Variants in EPC2 observed in about 807,000 individuals in gnomAD.
EPC2 encodes the protein enhancer of polycomb homolog 2.
In EPC2, 14 loss-of-function variants were observed where a neutral mutation model predicts 92.1. The observed-to-expected ratio is 0.15, with a 90% CI of 0.10 to 0.24. The LOEUF (loss-of-function observed/expected upper bound fraction) is 0.24. EPC2 is among the 10% of genes least tolerant of loss of function. The pLI is 1.00. For synonymous variants in EPC2, 340 were observed against 334.7 expected, an observed-to-expected ratio of 1.02 and a Z score of -0.17; for missense variants, 755 against 971.5, an observed-to-expected ratio of 0.78 and a Z score of 2.96.
intron 2 of EPC2, among the ~76,000 whole-genome samples, chr2:148,732,373 ATT>A (rs1397819706): frequency 7.6e-6 from 1 of 132,218 alleles, no homozygotes; most frequent in Non-Finnish European, 1.6e-5. Context: ...CCATTCTGTT[ATT>A]TTTGTCTTTT....
chr2:148,667,338 C>G (rs1014637039), intron 1 of EPC2, among the ~76,000 whole-genome samples: 3 of 152,224 alleles, frequency 2.0e-5, no homozygotes, highest in African/African-American at 7.2e-5. Context: ...AACTAGCACA[C>G]TGTTATGTTT....
intron 2 of EPC2, among the ~76,000 whole-genome samples, chr2:148,710,643 T>C (rs1682118612): frequency 6.6e-6 from 1 of 152,120 alleles, no homozygotes; most frequent in Non-Finnish European, 1.5e-5. Flanking sequence ...GTGGCACATA[T>C]ACACCATGGA....
At chr2:148,750,478 G>T (rs1683064896) in intron 3 of EPC2, among the ~76,000 whole-genome samples, 1 of 151,978 alleles carries the variant, frequency 6.6e-6, no homozygotes, top group Non-Finnish European at 1.5e-5. Flanking sequence ...GTTGTAGTCT[G>T]AAGACTTCTT....
chr2:148,666,716 T>C (rs1051534169), intron 1 of EPC2, among the ~76,000 whole-genome samples: 2 of 152,112 alleles, frequency 1.3e-5, no homozygotes, highest in Admixed American at 1.3e-4. Context: ...TCATCAAACA[T>C]CACCTGGGAA....
intron 1 of EPC2, among the ~76,000 whole-genome samples, chr2:148,648,493 T>C (rs1176686221): frequency 1.3e-5 from 2 of 152,338 alleles, no homozygotes; most frequent in African/African-American, 4.8e-5. Flanking sequence ...TTTTATAAGA[T>C]TTTTTTCTTT....
In EPC2 at chr2:148,644,975, C is replaced by CCCG. The variant is rs746344517; in HGVS notation, c.-31_-29dup. 222 of 1,533,194 alleles carry CCCG rather than the reference C, an allele frequency of 1.4e-4. No individual in the cohort carries two copies. The highest frequency in any genetic ancestry group is 3.5e-4 in the African/African-American group (25 of 71,986). The allele number at this position is 1,533,194 out of a possible 1,614,324, so 95.0% of individuals were successfully genotyped here. A position where few individuals can be genotyped will look rare whatever the true frequency, so the allele number is the denominator to read the frequency against. On this transcript the variant is annotated 5_prime_UTR_variant, in exon 1 of 14. Coordinates refer to ENST00000258484, the MANE Select transcript of EPC2 (RefSeq NM_015630.4). Reference sequence around the variant, plus strand: ...GAGTCCTCCCCCCCTCCCCGCCCGCCCCGCCGCCGCCGCCCGGGCTGTTCC... The same window carrying CCCG: ...GAGTCCTCCCCCCCTCCCCGCCCGCCCCGCCGCCGCCGCCGCCCGGGCTGTTCC...
chr2:148,645,089 C>T lies in EPC2; in HGVS notation c.72C>T (p.Asp24=), dbSNP rs574391627. The change falls in exon 1 of 14, where the codon GAC becomes GAT. Residue 24 remains aspartate, a synonymous_variant. Transcript: ENST00000258484. ...CGCTGCCTATCTACCGCGGCAAGGA[C>T]ATGCCTGATCTCAACGACTGCGTCT... is the stretch of plus-strand genomic sequence containing the variant. The part of the protein sequence containing the change: ...AKPLPIYRGK[D]MPDLNDCVSI... 3.8e-6 allele frequency: 6 copies of T among 1,596,488 alleles called. No individual in the cohort carries two copies. In the South Asian group the frequency reaches 4.5e-5, roughly 12 times the overall value.
intron 2 of EPC2, among the ~76,000 whole-genome samples, chr2:148,741,907 A>G (rs1262431877): frequency 6.6e-6 from 1 of 152,208 alleles, no homozygotes; most frequent in Non-Finnish European, 1.5e-5. Flanking sequence ...TTCTTTCAAA[A>G]ATATCCTGTG....
chr2:148,736,789 A>C (rs1682765949), intron 2 of EPC2, among the ~76,000 whole-genome samples: 1 of 152,074 alleles, frequency 6.6e-6, no homozygotes, highest in Non-Finnish European at 1.5e-5. Flanking sequence ...TCTTTCACCA[A>C]CAATATAATT....
intron 2 of EPC2, among the ~76,000 whole-genome samples, chr2:148,722,496 A>G (rs1558820489): frequency 6.6e-6 from 1 of 152,238 alleles, no homozygotes; most frequent in East Asian, 1.9e-4. Flanking sequence ...AGCAGTCAGA[A>G]AAGCTGTTAT....
rs181463325 is a variant in EPC2, at chr2:148,659,575, T to G, written c.153+14405T>G. On this transcript the variant is annotated intron_variant, in intron 1 of 13. Coordinates refer to ENST00000258484, the MANE Select transcript of EPC2 (RefSeq NM_015630.4). ...TTGAATATAAATAATATTATTACAT[T>G]TAAGCACTAAAGTAAATCTAGATAT... Among the ~76,000 whole-genome samples the G allele has an allele frequency of 8.5e-5, 13 of 152,204 alleles. No individual in the cohort carries two copies. In the East Asian group the frequency reaches 2.5e-3, roughly 29 times the overall value.
At chr2:148,701,194 G>A (rs1218143701) in intron 2 of EPC2, among the ~76,000 whole-genome samples, 1 of 152,264 alleles carries the variant, frequency 6.6e-6, no homozygotes, top group Non-Finnish European at 1.5e-5. Flanking sequence ...TACATAGACA[G>A]TCTTGTCATC....
rs41269815 is a variant in EPC2 at position 148,781,756 on chromosome 2, G to A, written c.1833G>A (p.Ser611=). The change falls in exon 11 of 14, where the codon TCG becomes TCA. Residue 611 remains serine (S), a synonymous_variant. Coordinates refer to ENST00000258484, the MANE Select transcript of EPC2 (RefSeq NM_015630.4). ...LQQKQQSQHS[S]QQTHPKAQGS... is the part of the protein sequence containing the mutation. ...AGAAACAGCAATCTCAGCATTCCTC[G>A]CAACAGACACATCCAAAAGCACAGG... 683 of 1,613,890 alleles carry A rather than the reference G, an allele frequency of 4.2e-4. 2 individuals are homozygous for A. The African/African-American group carries it at 8.2e-3, about 19-fold the overall frequency.
chr2:148,645,891 G>T (rs560857391), intron 1 of EPC2, among the ~76,000 whole-genome samples: 1 of 152,370 alleles, frequency 6.6e-6, no homozygotes, highest in East Asian at 1.9e-4. Flanking sequence ...CCGGAAGCGA[G>T]CCGCCGGCGT....
At chr2:148,689,081 A>G (rs1177652017) in intron 1 of EPC2, among the ~76,000 whole-genome samples, 2 of 152,230 alleles carry the variant, frequency 1.3e-5, no homozygotes, top group African/African-American at 4.8e-5. Context: ...TTGGATATAT[A>G]GAAACAGCAA....
chr2:148,723,500 G>T (rs1279050030), intron 2 of EPC2, among the ~76,000 whole-genome samples: 1 of 152,148 alleles, frequency 6.6e-6, no homozygotes, highest in African/African-American at 2.4e-5. Flanking sequence ...GTGGGTTTCT[G>T]TTCCCGTAAG....
intron 1 of EPC2, among the ~76,000 whole-genome samples, chr2:148,668,195 T>G (rs1253147005): frequency 6.6e-6 from 1 of 152,088 alleles, no homozygotes; most frequent in Non-Finnish European, 1.5e-5. Flanking sequence ...CCACTCCTGG[T>G]CTCAGTTTTT....
At chr2:148,723,111 T>C (rs551426438) in intron 2 of EPC2, among the ~76,000 whole-genome samples, 1 of 152,128 alleles carries the variant, frequency 6.6e-6, no homozygotes, top group South Asian at 2.1e-4. Flanking sequence ...AGTCTGTATA[T>C]CAAACCCCCA....
chr2:148,760,437 T>C (rs1454814885), intron 4 of EPC2, among the ~76,000 whole-genome samples: 1 of 152,244 alleles, frequency 6.6e-6, no homozygotes, highest in Non-Finnish European at 1.5e-5. Flanking sequence ...TACAATTCTG[T>C]ATATCTGTTT....
Sources: gnomAD v4.1 joint callset for allele counts (sites outside exome capture counted in the v4.1 genomes callset) on GRCh38, gnomAD v4.1.1 for gene constraint, MANE v1.5 for transcripts, NCBI Gene and HGNC (gene_info 2026-07-23, HGNC 2026-07-21) for gene names.